PPP2R5E: variants seen among roughly 807,000 people sequenced by gnomAD.
The protein encoded by PPP2R5E is serine/threonine-protein phosphatase 2A 56 kDa regulatory subunit epsilon isoform.
Under a neutral mutation model 65.3 loss-of-function variants are expected in PPP2R5E, and 4 were observed. The ratio of observed to expected loss-of-function variants is 0.06; its 90% CI spans 0.03 to 0.14. PPP2R5E has a LOEUF of 0.14. PPP2R5E is among the 10% of genes least tolerant of loss of function. The probability of loss-of-function intolerance (pLI) is 1.00; values close to 1 mark genes in which losing one functional copy is unlikely to be tolerated. For synonymous variants in PPP2R5E, 183 were observed against 187.4 expected (o/e 0.98, Z 0.19); for missense variants, 274 against 556.1 (o/e 0.49, Z 5.10).
chr14:63,527,526 A>G (rs542928085), intron 2 of PPP2R5E, among the ~76,000 whole-genome samples: 1 of 152,344 alleles, frequency 6.6e-6, no homozygotes, highest in East Asian at 1.9e-4. Flanking sequence ...TTCAACTCAT[A>G]CAGTGTATCT....
At chr14:63,481,370 C>T (rs1890688795) in intron 2 of PPP2R5E, among the ~76,000 whole-genome samples, 1 of 151,906 alleles carries the variant, frequency 6.6e-6, no homozygotes, top group Non-Finnish European at 1.5e-5. Context: ...GTAGCGTGCA[C>T]CTGTAATCCC....
intron 2 of PPP2R5E, among the ~76,000 whole-genome samples, chr14:63,499,479 C>T (rs1276290458): frequency 3.9e-5 from 6 of 152,272 alleles, no homozygotes; most frequent in African/African-American, 1.2e-4. Context: ...AATCCCAGCA[C>T]TTTGGGAGGC....
chr14:63,410,491 G>A (rs370853146), intron 5 of PPP2R5E, among the ~76,000 whole-genome samples: 3 of 152,028 alleles, frequency 2.0e-5, no homozygotes, highest in South Asian at 2.1e-4. Context: ...TGAGTGAGAC[G>A]GGGGATAATG....
At chr14:63,524,721 G>A (rs1893108161) in intron 2 of PPP2R5E, among the ~76,000 whole-genome samples, 1 of 152,146 alleles carries the variant, frequency 6.6e-6, no homozygotes, top group African/African-American at 2.4e-5. Context: ...CACGTCTTGT[G>A]CCCAGCTCCC....
At chr14:63,486,955 C>T (rs1891030091) in intron 2 of PPP2R5E, among the ~76,000 whole-genome samples, 1 of 152,208 alleles carries the variant, frequency 6.6e-6, no homozygotes. Flanking sequence ...ATGATGCAAT[C>T]ATATCTGCCC....
chr14:63,499,339 C>T (rs1379308143), intron 2 of PPP2R5E, among the ~76,000 whole-genome samples: 1 of 152,144 alleles, frequency 6.6e-6, no homozygotes, highest in African/African-American at 2.4e-5. Flanking sequence ...ACTAGAAGGG[C>T]TATGGCAGTA....
chr14:63,539,495 G>A (rs752007907), intron 2 of PPP2R5E, 34 bp downstream of exon 2: 1 of 1,590,448 alleles, frequency 6.3e-7, no homozygotes, highest in Non-Finnish European at 8.6e-7. Flanking sequence ...AAGATCAATT[G>A]AAAAAGAATG....
In PPP2R5E at chr14:63,382,326, C is replaced by G. The variant is rs116879458; in HGVS notation, c.1203-169G>C. Among the ~76,000 whole-genome samples, 45 of 151,620 alleles carry G rather than the reference C, an allele frequency of 3.0e-4. No individual in the cohort carries two copies. In the East Asian group the frequency reaches 7.9e-3, roughly 27 times the overall value. On this transcript the variant is annotated intron_variant, in intron 12 of 13. Transcript: ENST00000337537. ...AATGACCTACAGTTCATTTCCACAT[C>G]AAGAGATTTCAAGGCAAGATAATTT...
chr14:63,508,241 C>T (rs915862082), intron 2 of PPP2R5E: 13 of 985,302 alleles, frequency 1.3e-5, no homozygotes, highest in Middle Eastern at 5.2e-4. Flanking sequence ...AAATGCTTTC[C>T]TCTCTAAACC....
At chr14:63,414,608 G>A (rs543466629) in intron 5 of PPP2R5E, among the ~76,000 whole-genome samples, 1 of 152,304 alleles carries the variant, frequency 6.6e-6, no homozygotes, top group Admixed American at 6.5e-5. Context: ...AGTGTTCCCG[G>A]AGATGTTCCA....
intron 3 of PPP2R5E, among the ~76,000 whole-genome samples, chr14:63,424,957 C>A (rs28583743): frequency 0.13 from 20,309 of 151,948 alleles, 2,529 homozygotes; most frequent in African/African-American, 0.33. Flanking sequence ...AGCATAGAGC[C>A]GTATCTATTG....
intron 2 of PPP2R5E, among the ~76,000 whole-genome samples, chr14:63,465,450 CAAA>C (rs1171345415): frequency 0.018 from 850 of 47,296 alleles, 2 homozygotes; most frequent in African/African-American, 0.052. Context: ...TCCACCTCTA[CAAA>C]AAAAAAAAAA....
rs1425483367 is a variant in PPP2R5E at position 63,389,623 on chromosome 14, G to A, written c.1063C>T (p.Pro355Ser). ...FKQIAKCVSSPHFQVAERALY... is the reference protein window; with the variant it reads ...FKQIAKCVSSSHFQVAERALY... ...TCTTTACTACTAACCTGAAAATGGG[G>A]GCTAGATACACACTTGGCGATTTGT... is the stretch of plus-strand genomic sequence containing the variant. Residue 355 changes from proline (P) to serine (S), a missense_variant, in exon 11 of 14, where the codon CCC becomes TCC. Coordinates refer to ENST00000337537, the MANE Select transcript of PPP2R5E (RefSeq NM_006246.5). 2 of 1,608,282 alleles carry A rather than the reference G, an allele frequency of 1.2e-6. No homozygotes were observed. The highest frequency in any genetic ancestry group is 1.1e-5 in the South Asian group (1 of 89,730).
intron 2 of PPP2R5E, among the ~76,000 whole-genome samples, chr14:63,474,673 CAAAAAAAAAAAAAAAA>C (rs1157357885): frequency 1.4e-4 from 4 of 27,730 alleles, no homozygotes; most frequent in African/African-American, 4.0e-4. Context: ...TACCCCATCT[CAAAAAAAAAAAAAAAA>C]AAAAAAAAAA....
At chr14:63,459,224 A>G (rs1258287880) in intron 2 of PPP2R5E, among the ~76,000 whole-genome samples, 2 of 152,230 alleles carry the variant, frequency 1.3e-5, no homozygotes, top group African/African-American at 4.8e-5. Flanking sequence ...AGCTAGGTAC[A>G]CTAGCATATG....
rs187351567 is a variant in PPP2R5E, at chr14:63,435,335, C to T, written c.355-13241G>A. The stretch of plus-strand genomic sequence containing the variant: ...GTGGGTAATGATTGAATTTAAATAC[C>T]GAAACTATGGGTGATTCTTTTTTTT... On this transcript the variant is annotated intron_variant, in intron 3 of 13. Transcript: ENST00000337537. Among the ~76,000 whole-genome samples, 488 of 151,738 alleles carry T rather than the reference C, an allele frequency of 3.2e-3. 1 individual carries two copies. The highest frequency in any genetic ancestry group is 5.2e-3 in the Admixed American group (79 of 15,240).
At chr14:63,442,313 C>A (rs1188426658) in intron 3 of PPP2R5E, among the ~76,000 whole-genome samples, 1 of 152,124 alleles carries the variant, frequency 6.6e-6, no homozygotes, top group Admixed American at 6.6e-5. Context: ...ATTAAGTGTG[C>A]TTCTCAGATA....
intron 5 of PPP2R5E, among the ~76,000 whole-genome samples, chr14:63,408,996 CCGAGGCAGGTGGAT>C (rs1886241406): frequency 1.3e-5 from 2 of 152,112 alleles, no homozygotes; most frequent in African/African-American, 4.8e-5. Context: ...CTTTGGGAGG[CCGAGGCAGGTGGAT>C]CACCTGAGGT....
At chr14:63,398,650 C>T (rs1383137478) in intron 5 of PPP2R5E, among the ~76,000 whole-genome samples, 1 of 152,096 alleles carries the variant, frequency 6.6e-6, no homozygotes, top group Non-Finnish European at 1.5e-5. Context: ...ATTAGCCAGG[C>T]GTGCTGGCAC....
Sources: gnomAD v4.1 joint callset for allele counts (sites outside exome capture counted in the v4.1 genomes callset) on GRCh38, gnomAD v4.1.1 for gene constraint, MANE v1.5 for transcripts, NCBI Gene and HGNC (gene_info 2026-07-23, HGNC 2026-07-21) for gene names.